SYMPK: variants seen among roughly 807,000 people sequenced by gnomAD.
SYMPK encodes symplekin scaffold protein.
In SYMPK, 49 loss-of-function variants were observed where a neutral mutation model predicts 136.4. The ratio of observed to expected loss-of-function variants is 0.36; its 90% CI spans 0.29 to 0.46. The LOEUF (loss-of-function observed/expected upper bound fraction) is 0.46. Among genes scored for constraint, SYMPK ranks in the 20% least tolerant of loss-of-function variants. The pLI, the probability that SYMPK is intolerant of heterozygous loss-of-function variation, is 1.00. For synonymous variants in SYMPK, 766 were observed against 713.0 expected (o/e 1.07, Z -1.19); for missense variants, 1,365 against 1,690.0 (o/e 0.81, Z 3.37).
At chr19:45,817,432 TTTTTTTTTTTTTTGA>T (rs1970778797) in intron 23 of SYMPK, among the ~76,000 whole-genome samples, 2 of 140,804 alleles carry the variant, frequency 1.4e-5, no homozygotes, top group African/African-American at 5.2e-5. Context: ...TTTTTTTTTT[TTTTTTTTTTTTTTGA>T]GAGATGGTCT....
chr19:45,854,497 G>A lies in SYMPK; in HGVS notation c.-2C>T. On this transcript the variant is annotated 5_prime_UTR_variant, in exon 2 of 27. Transcript: ENST00000245934. Reference sequence around the variant, plus strand: ...GCTGTCTCCACTGCCGCTCGCCATGGCTGCTGTCAGCTTGTCCCCAGGAAA... The same window carrying A: ...GCTGTCTCCACTGCCGCTCGCCATGACTGCTGTCAGCTTGTCCCCAGGAAA... 6.2e-7 allele frequency: 1 copy of A among 1,613,236 alleles called. No homozygotes were observed.
intron 7 of SYMPK, among the ~76,000 whole-genome samples, chr19:45,847,208 G>A (rs1013477967): frequency 6.6e-6 from 1 of 152,090 alleles, no homozygotes; most frequent in African/African-American, 2.4e-5. Context: ...CACAAGGTCA[G>A]GAGTTCGATA....
intron 11 of SYMPK, 24 bp downstream of exon 11, chr19:45,835,054 A>C (rs917316722): frequency 3.3e-6 from 5 of 1,500,300 alleles, no homozygotes; most frequent in South Asian, 1.3e-5. Flanking sequence ...TCCCTGGCCC[A>C]GGTTAGGGCC....
rs750813384 is a variant in SYMPK, at chr19:45,828,969, C to A, written c.1985+1G>T. On this transcript the variant is annotated splice_donor_variant, in intron 14 of 26. Transcript: ENST00000245934. LOFTEE classifies it high-confidence loss of function. ...GGAGGGTGCAGGGTCAGCCCCCTCA[C>A]CCATCCTTCTGGTCTGGTTTCTCCT... 1 of 1,613,874 alleles carries A rather than the reference C, an allele frequency of 6.2e-7. No homozygotes were observed. Among genetic ancestry groups the A allele is most frequent in the Admixed American group, 1.7e-5 (1 of 60,016 alleles).
At chr19:45,860,504 A>G (rs575110896) in intron 1 of SYMPK, among the ~76,000 whole-genome samples, 1 of 149,466 alleles carries the variant, frequency 6.7e-6, no homozygotes, top group South Asian at 2.1e-4. Context: ...CAGAGAGAGA[A>G]AGAGAAAGAG....
chr19:45,856,608 AT>A (rs1180780178), intron 1 of SYMPK, among the ~76,000 whole-genome samples: 1 of 152,186 alleles, frequency 6.6e-6, no homozygotes, highest in East Asian at 1.9e-4. Flanking sequence ...GTATACTATT[AT>A]TTTTATGTAC....
In SYMPK at chr19:45,863,126, C is replaced by CCGCCGCCGA; in HGVS notation, c.-82_-81insTCGGCGGCG. On this transcript the variant is annotated 5_prime_UTR_variant, in exon 1 of 27. Transcript: ENST00000245934. ...CTCTTCCTACACTCCGCCGCCGCCGCCGCCGCCATCTTCCGTTCGTCGCCG... is the reference window on the plus strand; with the variant it reads ...CTCTTCCTACACTCCGCCGCCGCCGCCGCCGCCGACGCCGCCATCTTCCGTTCGTCGCCG... 2.5e-6 allele frequency: 1 copy of CCGCCGCCGA among 406,012 alleles called. No homozygotes were observed. Among genetic ancestry groups the CCGCCGCCGA allele is most frequent in the Non-Finnish European group, 4.3e-6 (1 of 230,488 alleles). The allele number at this position is 406,012 out of a possible 1,614,324, so 25.2% of individuals were successfully genotyped here. A position where few individuals can be genotyped will look rare whatever the true frequency, so the allele number is the denominator to read the frequency against.
In SYMPK at chr19:45,842,365, C is replaced by G. The variant is rs769914047; in HGVS notation, c.972G>C (p.Leu324=). The change falls in exon 9 of 27, where the codon CTG becomes CTC. Residue 324 remains leucine (L), a synonymous_variant. Transcript: ENST00000245934. ...CCTGAGGTGTGCCCAGGTCCACCAG[C>G]AGGGTGGTGATCTGGGCCTGGAACT... ...SLEFQAQITT[L]LVDLGTPQAE... The G allele has an allele frequency of 2.5e-6, 4 of 1,614,104 alleles. No homozygotes were observed. The highest frequency in any genetic ancestry group is 1.1e-5 in the South Asian group (1 of 91,090).
In SYMPK at chr19:45,858,703, C is replaced by T. The variant is rs371627562; in HGVS notation, c.-12-4196G>A. 4.6e-5 allele frequency among the ~76,000 whole-genome samples: 7 copies of T among 151,984 alleles called. No homozygotes were observed. In the East Asian group the frequency reaches 5.8e-4, roughly 13 times the overall value. The stretch of plus-strand genomic sequence containing the variant: ...GCTAATTTTGTATTTTTAGTAGAGA[C>T]GGGGTTTCTCCATGTTGGTCAGGCT... On this transcript the variant is annotated intron_variant, in intron 1 of 26. Coordinates refer to ENST00000245934, the MANE Select transcript of SYMPK (RefSeq NM_004819.3).
intron 7 of SYMPK, 117 bp from the exon 8 acceptor site, chr19:45,844,317 C>G: frequency 1.3e-6 from 1 of 759,106 alleles, no homozygotes; most frequent in South Asian, 2.7e-5. Context: ...CTATGAATGG[C>G]GGGAAAAACA....
In SYMPK at chr19:45,821,721, G is replaced by C. The variant is rs1221097347; in HGVS notation, c.2792-236C>G. 6.6e-6 allele frequency among the ~76,000 whole-genome samples: 1 copy of C among 152,222 alleles called. No individual in the cohort carries two copies. The highest frequency in any genetic ancestry group is 1.5e-5 in the Non-Finnish European group (1 of 68,042). ...CCTCCCCATCCTGGGCTCCCACCCT[G>C]GGTAGCGTGTGGCACGGCTGGGTCT... On this transcript the variant is annotated intron_variant, in intron 21 of 26. Coordinates refer to ENST00000245934, the MANE Select transcript of SYMPK (RefSeq NM_004819.3). The surrounding 1 kb of genome is among the most constrained non-coding windows in gnomAD (Gnocchi z 4.4).
In SYMPK at chr19:45,825,238, AGTTC is replaced by A; in HGVS notation, c.2419_2422del (p.Glu807TrpfsTer17). On this transcript the variant is annotated frameshift_variant, in exon 18 of 27. Transcript: ENST00000245934. LOFTEE classifies it high-confidence loss of function. ...GATGGCTTCAGTGTACACGGCCGCC[AGTTC>A]GTGGATCAGCTTGTGGTTCTGAGGC... The A allele has an allele frequency of 6.2e-7, 1 of 1,614,170 alleles. No individual in the cohort carries two copies. The highest frequency in any genetic ancestry group is 8.5e-7 in the Non-Finnish European group (1 of 1,180,020).
chr19:45,823,706 G>A, intron 19 of SYMPK, 61 bp downstream of exon 19: 1 of 1,472,276 alleles, frequency 6.8e-7, no homozygotes, highest in South Asian at 1.2e-5. Context: ...AGATCCCCAG[G>A]GCCCGGGGAA....
At position 45,826,293 on chromosome 19, in the gene SYMPK, G is replaced by T. The variant is rs1199414661; in HGVS notation, c.2262C>A (p.Leu754=). 1 of 1,613,864 alleles carries T rather than the reference G, an allele frequency of 6.2e-7. No homozygotes were observed. Among genetic ancestry groups the T allele is most frequent in the Non-Finnish European group, 8.5e-7 (1 of 1,179,994 alleles). ...GGTGCACCAGGAGCTGCAGGTAGTT[G>T]AGGGCAAATTTCTCCACATACTCCC... is the stretch of plus-strand genomic sequence containing the variant. The part of the protein sequence containing the change: ...QLREYVEKFA[L]NYLQLLVHPN... The change falls in exon 17 of 27, where the codon CTC becomes CTA. Residue 754 remains leucine, a synonymous_variant. Transcript: ENST00000245934.
chr19:45,857,761 G>T (rs1971867045), intron 1 of SYMPK, among the ~76,000 whole-genome samples: 1 of 151,238 alleles, frequency 6.6e-6, no homozygotes, highest in Non-Finnish European at 1.5e-5. Flanking sequence ...AAAGTGCTGG[G>T]ATTACAGGCG....
chr19:45,842,545 A>C (rs1971467374), intron 8 of SYMPK, 56 bp from the exon 9 acceptor site: 1 of 1,588,464 alleles, frequency 6.3e-7, no homozygotes, highest in African/African-American at 1.3e-5. Context: ...GCATGCTGCC[A>C]GTCTTAATTC....
chr19:45,847,459 C>T (rs1367100982), intron 7 of SYMPK, among the ~76,000 whole-genome samples: 4 of 151,866 alleles, frequency 2.6e-5, no homozygotes, highest in Non-Finnish European at 5.9e-5. Flanking sequence ...AACTAGCTAG[C>T]ATCGACTGGC....
chr19:45,842,998 A>G (rs1453751787), intron 8 of SYMPK: 1 of 158,272 alleles, frequency 6.3e-6, no homozygotes, highest in Non-Finnish European at 1.4e-5. Context: ...CTCTCCGTTA[A>G]GGGAGACCCC....
At chr19:45,852,823 A>G (rs889376545) in intron 3 of SYMPK, among the ~76,000 whole-genome samples, 2 of 152,200 alleles carry the variant, frequency 1.3e-5, no homozygotes, top group Non-Finnish European at 2.9e-5. Flanking sequence ...TAGTGAGGAC[A>G]TGACACAGGA....
Sources: gnomAD v4.1 joint callset for allele counts (sites outside exome capture counted in the v4.1 genomes callset) on GRCh38, gnomAD v4.1.1 for gene constraint, Gnocchi (gnomAD v3.1) non-coding constraint, MANE v1.5 for transcripts, NCBI Gene and HGNC (gene_info 2026-07-23, HGNC 2026-07-21) for gene names.